Variants in MAPK10 observed in about 807,000 individuals in gnomAD.
MAPK10 encodes JNK3 alpha protein kinase.
MAPK10 carries 25 observed loss-of-function variants against 59.3 expected under a neutral mutation model. The observed-to-expected ratio is 0.42, with a 90% confidence interval of 0.31 to 0.59. MAPK10 has a LOEUF of 0.59. Ranked by LOEUF, MAPK10 falls within the 20% of genes least tolerant of loss-of-function variation. The pLI, the probability that MAPK10 is intolerant of heterozygous loss-of-function variation, is 0.15. For missense variants in MAPK10, 351 were observed against 568.9 expected (o/e 0.62, Z 3.90); for synonymous variants, 190 against 200.5 (o/e 0.95, Z 0.44).
intron 1 of MAPK10, among the ~76,000 whole-genome samples, chr4:86,446,620 A>ATC (rs959840946): frequency 6.6e-6 from 1 of 152,154 alleles, no homozygotes; most frequent in Non-Finnish European, 1.5e-5. Flanking sequence ...CTTCAAAGGC[A>ATC]TCTCTCTCTC....
At chr4:86,293,723 G>A (rs1353422133) in intron 2 of MAPK10, among the ~76,000 whole-genome samples, 1 of 152,118 alleles carries the variant, frequency 6.6e-6, no homozygotes. Context: ...GGGAGCAGGC[G>A]TTTCACATGG....
intron 3 of MAPK10, among the ~76,000 whole-genome samples, chr4:86,190,254 G>A (rs2079361322): frequency 6.6e-6 from 1 of 152,060 alleles, no homozygotes; most frequent in Non-Finnish European, 1.5e-5. Context: ...GTATGATGCT[G>A]GCCTCATAAA....
At chr4:86,496,510 C>T (rs1754881641) in intron 1 of MAPK10, among the ~76,000 whole-genome samples, 2 of 152,112 alleles carry the variant, frequency 1.3e-5, no homozygotes, top group African/African-American at 4.8e-5. Flanking sequence ...CTTTTGTGGC[C>T]TATACAAAGT....
upstream of MAPK10, among the ~76,000 whole-genome samples, chr4:86,363,751 C>T (rs1406315872): frequency 6.6e-6 from 1 of 152,114 alleles, no homozygotes; most frequent in Non-Finnish European, 1.5e-5. Flanking sequence ...TCTTGTTTTA[C>T]TAAAATTTTA....
chr4:86,130,068 C>G (rs776554821), intron 4 of MAPK10, among the ~76,000 whole-genome samples: 6 of 152,202 alleles, frequency 3.9e-5, no homozygotes, highest in South Asian at 4.1e-4. Context: ...TCTGGGATTA[C>G]AAAAATAATA....
chr4:86,026,899 G>A (rs1001952441), intron 13 of MAPK10: 1 of 152,040 alleles, frequency 6.6e-6, no homozygotes, highest in Non-Finnish European at 1.5e-5. Flanking sequence ...GCTCTGCAGG[G>A]GGCAACAAAA....
In MAPK10 at chr4:86,015,831, T is replaced by C. The variant is rs1233530924; in HGVS notation, c.*1397A>G. 1.3e-5 allele frequency: 2 copies of C among 152,126 alleles called. No homozygotes were observed. The highest frequency in any genetic ancestry group is 4.8e-5 in the African/African-American group (2 of 41,418). The allele number at this position is 152,126 out of a possible 1,614,324, so 9.4% of individuals were successfully genotyped here. On this transcript the variant is annotated 3_prime_UTR_variant, in exon 14 of 14. Coordinates refer to ENST00000641462, the MANE Select transcript of MAPK10 (RefSeq NM_138982.4). ...ACTTATTAAAATAAATAAATAAACA[T>C]GAAACATCAGCCACATTAAGGAGTC... is the stretch of plus-strand genomic sequence containing the variant.
chr4:86,501,675 T>G (rs1470083209), intron 1 of MAPK10, among the ~76,000 whole-genome samples: 1 of 148,700 alleles, frequency 6.7e-6, no homozygotes. Context: ...CATGTGTGTG[T>G]GCATGCACAC....
intron 2 of MAPK10, among the ~76,000 whole-genome samples, chr4:86,324,501 A>G (rs972403238): frequency 6.6e-6 from 1 of 152,174 alleles, no homozygotes; most frequent in Non-Finnish European, 1.5e-5. Context: ...GGTGTCCAAT[A>G]AAAAAGGCAG....
intron 4 of MAPK10, among the ~76,000 whole-genome samples, chr4:86,110,876 T>G (rs1422356954): frequency 6.6e-6 from 1 of 152,140 alleles, no homozygotes; most frequent in Non-Finnish European, 1.5e-5. Context: ...ACGGAATGTT[T>G]TTTCATTTGT....
At chr4:86,076,326 A>C (rs2049446421) in intron 9 of MAPK10, among the ~76,000 whole-genome samples, 1 of 152,272 alleles carries the variant, frequency 6.6e-6, no homozygotes, top group African/African-American at 2.4e-5. Context: ...CCGGTACCTC[A>C]GATGGAAATG....
chr4:86,574,462 A>C (rs1761715950), intron 1 of MAPK10, among the ~76,000 whole-genome samples: 1 of 151,558 alleles, frequency 6.6e-6, no homozygotes, highest in Non-Finnish European at 1.5e-5. Flanking sequence ...CTAGTTCTAG[A>C]TCCCTGAGGA....
At chr4:86,067,713 G>A in intron 10 of MAPK10, 60 bp downstream of exon 10, 1 of 1,391,414 alleles carries the variant, frequency 7.2e-7, no homozygotes, top group Non-Finnish European at 9.9e-7. Flanking sequence ...TCTCTATACT[G>A]TGTGCTTGTT....
At chr4:86,108,625 T>C (rs1291460401) in intron 4 of MAPK10, among the ~76,000 whole-genome samples, 1 of 152,154 alleles carries the variant, frequency 6.6e-6, no homozygotes, top group Non-Finnish European at 1.5e-5. Context: ...CCAGTCTCTG[T>C]TTGCCCACCT....
At chr4:86,074,333 T>C (rs1579688198) in intron 9 of MAPK10, among the ~76,000 whole-genome samples, 1 of 149,854 alleles carries the variant, frequency 6.7e-6, no homozygotes, top group Non-Finnish European at 1.5e-5. Flanking sequence ...CTGATGGATC[T>C]TGACTCTTTA....
At chr4:86,067,211 G>C (rs530973597) in intron 10 of MAPK10, among the ~76,000 whole-genome samples, 2 of 152,146 alleles carry the variant, frequency 1.3e-5, no homozygotes, top group East Asian at 1.9e-4. Context: ...GCCCGATCTC[G>C]GCTCACTGCA....
intron 13 of MAPK10, among the ~76,000 whole-genome samples, chr4:86,021,509 C>T (rs1175731584): frequency 6.6e-6 from 1 of 152,266 alleles, no homozygotes; most frequent in Non-Finnish European, 1.5e-5. Context: ...AGACTCTCCA[C>T]GTCCTCACCA....
chr4:86,067,595 A>G (rs1456293589), intron 10 of MAPK10, among the ~76,000 whole-genome samples, 178 bp downstream of exon 10: 1 of 152,182 alleles, frequency 6.6e-6, no homozygotes, highest in Non-Finnish European at 1.5e-5. Context: ...TGATTTGACC[A>G]TTATACCTCT....
In MAPK10 at chr4:86,137,065, G is replaced by C. The variant is rs551229865; in HGVS notation, c.236+22233C>G. On this transcript the variant is annotated intron_variant, in intron 4 of 13. Transcript: ENST00000641462. ...CCTGAGTGACCTACAAAGAGACTTA[G>C]ACTCCCACACATTAATAATGGGAGA... Among the ~76,000 whole-genome samples, 77 of 151,134 alleles carry C rather than the reference G, an allele frequency of 5.1e-4. 1 individual carries two copies. The highest frequency in any genetic ancestry group is 1.7e-3 in the African/African-American group (69 of 40,816).
Sources: allele counts gnomAD v4.1 joint callset (sites outside exome capture counted in the v4.1 genomes callset), GRCh38; gene constraint gnomAD v4.1.1; transcripts MANE v1.5; gene names NCBI Gene and HGNC (gene_info 2026-07-23, HGNC 2026-07-21).